The following BMP2K variants were observed in gnomAD, a reference collection of about 807,000 sequenced individuals.
BMP2K encodes BMP-2-inducible protein kinase.
Under a neutral mutation model 116.0 loss-of-function variants are expected in BMP2K, and 74 were observed. That is an observed-to-expected ratio of 0.64 (90% CI 0.53 to 0.77). BMP2K has a LOEUF of 0.77. Ranked by LOEUF, BMP2K falls within the 30% of genes least tolerant of loss-of-function variation. The probability of loss-of-function intolerance (pLI) is 0.00; values close to 1 mark genes in which losing one functional copy is unlikely to be tolerated. For missense variants in BMP2K, 1,365 were observed against 1,403.6 expected (o/e 0.97, Z 0.44); for synonymous variants, 486 against 502.5 (o/e 0.97, Z 0.44).
intron 1 of BMP2K, among the ~76,000 whole-genome samples, chr4:78,786,201 A>T (rs768829910): frequency 6.6e-6 from 1 of 152,146 alleles, no homozygotes; most frequent in Non-Finnish European, 1.5e-5. Context: ...TTGGGTCATG[A>T]GAGCCCTCAT....
chr4:78,779,375 G>A (rs1727395552), intron 1 of BMP2K, among the ~76,000 whole-genome samples: 1 of 152,148 alleles, frequency 6.6e-6, no homozygotes, highest in Non-Finnish European at 1.5e-5. Flanking sequence ...TGTAGTCTTT[G>A]CTCCTTGAAC....
At chr4:78,816,734 G>C (rs1378259276) in intron 1 of BMP2K, among the ~76,000 whole-genome samples, 1 of 152,140 alleles carries the variant, frequency 6.6e-6, no homozygotes, top group Non-Finnish European at 1.5e-5. Context: ...GTGTATGTTA[G>C]TTATAATAAA....
At chr4:78,866,333 G>T (rs1030074790) in intron 10 of BMP2K, among the ~76,000 whole-genome samples, 2 of 152,102 alleles carry the variant, frequency 1.3e-5, no homozygotes, top group Non-Finnish European at 2.9e-5. Flanking sequence ...TCACCTTAAA[G>T]AAATCCTGTT....
chr4:78,856,529 A>T lies in BMP2K; in HGVS notation c.884-3055A>T, dbSNP rs1577930643. Among the ~76,000 whole-genome samples, 5 of 151,796 alleles carry T rather than the reference A, an allele frequency of 3.3e-5. 1 individual carries two copies. In the South Asian group the frequency reaches 1.0e-3, roughly 32 times the overall value. Reference sequence around the variant, plus strand: ...TTATTGATTTTTTTTCCTTTTTTTTAAATTGCTGATAATATTCAATTTAGA... The same window carrying T: ...TTATTGATTTTTTTTCCTTTTTTTTTAATTGCTGATAATATTCAATTTAGA... On this transcript the variant is annotated intron_variant, in intron 7 of 15. Transcript: ENST00000502613.
chr4:78,904,663 T>C (rs1387578415), intron 15 of BMP2K, among the ~76,000 whole-genome samples: 1 of 151,922 alleles, frequency 6.6e-6, no homozygotes, highest in African/African-American at 2.4e-5. Context: ...TTGCTCTCAT[T>C]TTCAGATAGT....
intron 15 of BMP2K, among the ~76,000 whole-genome samples, chr4:78,901,583 T>C (rs550745983): frequency 6.6e-6 from 1 of 152,290 alleles, no homozygotes; most frequent in South Asian, 2.1e-4. Flanking sequence ...TACAGTATAC[T>C]CATAAAAATC....
In BMP2K at chr4:78,911,147, G is replaced by T. The variant is rs769519712; in HGVS notation, c.2600G>T (p.Arg867Leu). ...VFGAVPFFAV[R>L]AQQPQQEKNE... ...GGCGCTGTCCCCTTCTTTGCAGTGC[G>T]TGCTCAACAGCCCCAGCAAGAAAAG... Residue 867 changes from arginine to leucine, a missense_variant, in exon 16 of 16, where the codon CGT (arginine) becomes CTT (leucine). Transcript: ENST00000502613. The T allele has an allele frequency of 6.2e-7, 1 of 1,613,912 alleles. No individual in the cohort carries two copies. Among genetic ancestry groups the T allele is most frequent in the Non-Finnish European group, 8.5e-7 (1 of 1,179,860 alleles).
intron 1 of BMP2K, among the ~76,000 whole-genome samples, chr4:78,809,421 A>G (rs1421075341): frequency 2.0e-5 from 3 of 151,650 alleles, no homozygotes; most frequent in African/African-American, 7.3e-5. Flanking sequence ...TCTGTCACCC[A>G]GGCTGGAGTG....
chr4:78,826,306 A>G, intron 2 of BMP2K, 151 bp downstream of exon 2: 1 of 596,182 alleles, frequency 1.7e-6, no homozygotes, highest in Non-Finnish European at 3.0e-6. Context: ...GGTTCAAGCA[A>G]TTCTCATGCC....
At chr4:78,822,402 G>T (rs1280910318) in intron 1 of BMP2K, among the ~76,000 whole-genome samples, 1 of 151,994 alleles carries the variant, frequency 6.6e-6, no homozygotes, top group Non-Finnish European at 1.5e-5. Flanking sequence ...GCCTATGAAT[G>T]AAACTTCTAT....
Position 78,844,912 on chromosome 4 carries a change from A to T in BMP2K, c.547-16A>T. 6.3e-7 allele frequency: 1 copy of T among 1,580,818 alleles called. No homozygotes were observed. The highest frequency in any genetic ancestry group is 1.1e-5 in the South Asian group (1 of 88,662). On this transcript the variant is annotated splice_polypyrimidine_tract_variant and intron_variant, in intron 4 of 15. Coordinates refer to ENST00000502613, the MANE Select transcript of BMP2K (RefSeq NM_198892.2). ...ACTTTGAAAATACTACTCATTATTG[A>T]TTTTCTTTTCTTAAGGTAGAAAATA...
At chr4:78,897,484 C>G (rs1385599650) in intron 15 of BMP2K, among the ~76,000 whole-genome samples, 1 of 152,024 alleles carries the variant, frequency 6.6e-6, no homozygotes, top group Non-Finnish European at 1.5e-5. Context: ...TATCATAAAA[C>G]TTTGAATAAT....
At chr4:78,860,200 G>A (rs1196690558) in intron 8 of BMP2K, 9 of 392,892 alleles carry the variant, frequency 2.3e-5, no homozygotes, top group Admixed American at 1.6e-4. Context: ...GGTGGGAAGC[G>A]GATGAAGGAT....
At chr4:78,867,921 G>A (rs2110054766) in intron 10 of BMP2K, among the ~76,000 whole-genome samples, 1 of 152,236 alleles carries the variant, frequency 6.6e-6, no homozygotes, top group Admixed American at 6.5e-5. Context: ...TTAGCTGGGT[G>A]TAGTGGCATA....
chr4:78,827,061 T>G (rs1444068036), intron 2 of BMP2K, among the ~76,000 whole-genome samples: 1 of 152,186 alleles, frequency 6.6e-6, no homozygotes, highest in Non-Finnish European at 1.5e-5. Context: ...TGGTTACAGT[T>G]TTTATCTCCC....
At chr4:78,879,479 G>T (rs1732794472) in intron 14 of BMP2K, 1 of 920,130 alleles carries the variant, frequency 1.1e-6, no homozygotes, top group African/African-American at 1.8e-5. Context: ...GCTTTTCTTT[G>T]AACTACCTAA....
chr4:78,911,384 A>G lies in BMP2K; in HGVS notation c.2837A>G (p.Lys946Arg), dbSNP rs989736761. Reference protein sequence around the residue: ...PFQPFLTSTSKSESNEDLFGL... With the variant: ...PFQPFLTSTSRSESNEDLFGL... ...CAGCCCTTCCTCACATCAACAAGTAAAAGTGAAAGCAATGAGGACCTTTTT... is the reference window on the plus strand; with the variant it reads ...CAGCCCTTCCTCACATCAACAAGTAGAAGTGAAAGCAATGAGGACCTTTTT... Residue 946 changes from lysine (K) to arginine (R), a missense_variant, in exon 16 of 16, where the codon AAA becomes AGA. Physicochemically the swap from Lys to Arg is conservative, Grantham distance 26 (BLOSUM62 2). This residue lies in a region of BMP2K where 596 missense variants were observed against 623.2 expected (regional missense o/e 0.96). Transcript: ENST00000502613. 3.1e-6 allele frequency: 5 copies of G among 1,614,006 alleles called. No individual in the cohort carries two copies. Among genetic ancestry groups the G allele is most frequent in the Admixed American group, 1.7e-5 (1 of 60,024 alleles).
chr4:78,837,956 A>T (rs766075780), intron 3 of BMP2K, among the ~76,000 whole-genome samples: 1 of 151,996 alleles, frequency 6.6e-6, no homozygotes, highest in African/African-American at 2.4e-5. Flanking sequence ...TTAGTTTTAA[A>T]TTTTTTTCTT....
chr4:78,813,531 A>G (rs1300403269), intron 1 of BMP2K, among the ~76,000 whole-genome samples: 1 of 152,018 alleles, frequency 6.6e-6, no homozygotes, highest in Non-Finnish European at 1.5e-5. Context: ...TTTACTCCCC[A>G]TTATTTATTC....
Sources: gnomAD v4.1 joint callset for allele counts (sites outside exome capture counted in the v4.1 genomes callset) on GRCh38, gnomAD v4.1.1 for gene constraint, gnomAD v4.1.1 regional missense constraint, MANE v1.5 for transcripts, NCBI Gene and HGNC (gene_info 2026-07-23, HGNC 2026-07-21) for gene names.